The following ANKRD36C variants were observed in gnomAD, a reference collection of about 807,000 sequenced individuals.
ANKRD36C encodes the protein ankyrin repeat domain-containing protein 36C.
Under a neutral mutation model 276.4 loss-of-function variants are expected in ANKRD36C, and 61 were observed. The ratio of observed to expected loss-of-function variants is 0.22; its 90% CI spans 0.18 to 0.27. ANKRD36C has a LOEUF of 0.27. Ranked by LOEUF, ANKRD36C falls within the 10% of genes least tolerant of loss-of-function variation. The pLI, the probability that ANKRD36C is intolerant of heterozygous loss-of-function variation, is 1.00. For synonymous variants in ANKRD36C, 483 were observed against 680.1 expected, an observed-to-expected ratio of 0.71 and a Z score of 4.51; for missense variants, 1,447 against 2,032.3, an observed-to-expected ratio of 0.71 and a Z score of 5.54.
chr2:95,919,674 A>G (rs182562885), intron 34 of ANKRD36C, 59 bp downstream of exon 36: 10,004 of 276,538 alleles, frequency 0.036, 1,828 homozygotes, highest in Middle Eastern at 0.05. Context: ...TTTATTCGGG[A>G]TAGAGAAGTT....
chr2:95,935,200 T>G (rs1164203622), intron 24 of ANKRD36C, among the ~76,000 whole-genome samples: 1 of 152,272 alleles, frequency 6.6e-6, no homozygotes, highest in African/African-American at 2.4e-5. Context: ...CTAACATGCA[T>G]ACAAATTCCA....
chr2:95,963,990 T>TAA (rs1678527792), intron 6 of ANKRD36C, among the ~76,000 whole-genome samples: 10 of 19,354 alleles, frequency 5.2e-4, no homozygotes, highest in Non-Finnish European at 6.4e-4. Flanking sequence ...TATATATATA[T>TAA]ATATATATAT....
At chr2:95,897,739 AT>A (rs1299705923) in intron 44 of ANKRD36C, among the ~76,000 whole-genome samples, 1 of 148,534 alleles carries the variant, frequency 6.7e-6, no homozygotes, top group Non-Finnish European at 1.5e-5. Flanking sequence ...CAACGTGGAT[AT>A]GCCGAGTGAT....
rs140233043 is a variant in ANKRD36C at position 95,893,176 on chromosome 2, G to C, written c.2756-1316C>G. 3.3e-5 allele frequency among the ~76,000 whole-genome samples: 5 copies of C among 151,484 alleles called. 1 individual carries two copies. The highest frequency in any genetic ancestry group is 4.2e-4 in the South Asian group (2 of 4,816). ...ACAAGTTTTCTGTCTGTTTTTAGCA[G>C]TACGATGTGACGTCTGTAAAATCGA... On this transcript the variant is annotated intron_variant, in intron 44 of 66. Coordinates refer to ENST00000456556, the Ensembl canonical transcript of ANKRD36C.
chr2:95,873,778 C>G (rs1675872361), intron 59 of ANKRD36C, among the ~76,000 whole-genome samples: 1 of 152,148 alleles, frequency 6.6e-6, no homozygotes, highest in African/African-American at 2.4e-5. Context: ...ACTAGAAAAC[C>G]CCATTGTCTC....
intron 42 of ANKRD36C, among the ~76,000 whole-genome samples, chr2:95,911,182 T>C (rs1173932759): frequency 3.3e-5 from 5 of 151,494 alleles, no homozygotes; most frequent in Non-Finnish European, 7.4e-5. Context: ...TTAAGTTTCT[T>C]TCATCCACTA....
rs771781036 is a variant in ANKRD36C, at chr2:95,980,657, T to C, written c.722A>G (p.Lys241Arg). The change falls in exon 5 of 67, where the codon AAG becomes AGG. Residue 241 changes from lysine (K) to arginine (R), a missense_variant. Around this residue, in one of 13 missense-constraint regions of ANKRD36C, gnomAD observed 158 missense variants for 218.0 expected, o/e 0.72. Transcript: ENST00000456556. ...TTATGTAAAGACTTACACTCTGTTCTTAGCCTCGCTGGCATAATCTTCTGC... is the reference window on the plus strand; with the variant it reads ...TTATGTAAAGACTTACACTCTGTTCCTAGCCTCGCTGGCATAATCTTCTGC... 12 of 1,612,246 alleles carry C rather than the reference T, an allele frequency of 7.4e-6. No individual in the cohort carries two copies. In the African/African-American group the frequency reaches 1.5e-4, roughly 20 times the overall value.
intron 6 of ANKRD36C, among the ~76,000 whole-genome samples, chr2:95,973,743 G>A (rs1418720011): frequency 6.6e-6 from 1 of 152,066 alleles, no homozygotes; most frequent in East Asian, 1.9e-4. Context: ...CTCATTTTGG[G>A]GAATAAAGGA....
In ANKRD36C at chr2:95,852,924, A is replaced by G. The variant is rs1441372178; in HGVS notation, c.5149-728T>C. On this transcript the variant is annotated intron_variant, in intron 64 of 66. Transcript: ENST00000456556. ...ATTAGGAGAGAAGTAATTTAAAAGC[A>G]TCATCTTAAACTGCAAAGGTGTCCA... The G allele has an allele frequency of 4.4e-4, 67 of 152,488 alleles. 1 individual carries two copies. The highest frequency in any genetic ancestry group is 1.5e-3 in the African/African-American group (64 of 41,574). 9.4% of individuals were successfully genotyped at this position (152,488 alleles called of 1,614,324 possible). A position where few individuals can be genotyped will look rare whatever the true frequency, so the allele number is the denominator to read the frequency against.
At chr2:95,980,033 G>A (rs1678885198) in intron 5 of ANKRD36C, among the ~76,000 whole-genome samples, 1 of 152,042 alleles carries the variant, frequency 6.6e-6, no homozygotes, top group Admixed American at 6.6e-5. Context: ...TGAAGATTGA[G>A]GGATGTCAAA....
intron 56 of ANKRD36C, among the ~76,000 whole-genome samples, chr2:95,881,742 T>C (rs1389801210): frequency 6.6e-6 from 1 of 150,704 alleles, no homozygotes; most frequent in Admixed American, 6.6e-5. Flanking sequence ...TCAAAATGCA[T>C]CTGAAGTGAG....
chr2:95,971,845 C>T (rs558005197), intron 6 of ANKRD36C, among the ~76,000 whole-genome samples: 4 of 152,058 alleles, frequency 2.6e-5, no homozygotes, highest in Admixed American at 6.5e-5. Context: ...AAAGGTTAAT[C>T]GAATAAGAAC....
intron 32 of ANKRD36C, 109 bp from the exon 33 acceptor site, chr2:95,921,919 T>C (rs1677283263): frequency 8.4e-7 from 1 of 1,190,304 alleles, no homozygotes; most frequent in East Asian, 2.6e-5. Context: ...AGTGTAGGCT[T>C]TGATGTTTTC....
chr2:95,861,824 CA>C (rs1675592063), intron 60 of ANKRD36C, among the ~76,000 whole-genome samples: 2 of 151,978 alleles, frequency 1.3e-5, no homozygotes, highest in Non-Finnish European at 2.9e-5. Flanking sequence ...AAGCAAGACC[CA>C]ACTACAGGCT....
chr2:95,917,404 T>C (rs1176323316), intron 36 of ANKRD36C, among the ~76,000 whole-genome samples: 2 of 151,594 alleles, frequency 1.3e-5, no homozygotes, highest in Non-Finnish European at 3.0e-5. Flanking sequence ...TGGAAAATAA[T>C]TGCTACATCA....
chr2:95,956,830 A>G lies in ANKRD36C; in HGVS notation c.1106-14T>C, dbSNP rs759340246. 7.7e-7 allele frequency: 1 copy of G among 1,303,572 alleles called. No individual in the cohort carries two copies. The highest frequency in any genetic ancestry group is 1.1e-6 in the Non-Finnish European group (1 of 943,366). 80.8% of individuals were successfully genotyped at this position (1,303,572 alleles called of 1,614,324 possible). Reference sequence around the variant, plus strand: ...CAGCAGGAAGCACTATCAAACAAAAAGTAAAATGCATTTTAAATCAACAAT... The same window carrying G: ...CAGCAGGAAGCACTATCAAACAAAAGGTAAAATGCATTTTAAATCAACAAT... On this transcript the variant is annotated splice_polypyrimidine_tract_variant and intron_variant, in intron 12 of 66. Transcript: ENST00000456556.
At chr2:95,884,645 T>TGAGTGATGA (rs1676161328) in intron 52 of ANKRD36C, among the ~76,000 whole-genome samples, 1 of 152,084 alleles carries the variant, frequency 6.6e-6, no homozygotes, top group Admixed American at 6.6e-5. Context: ...GTGGATATGC[T>TGAGTGATGA]GAGTGATGAG....
chr2:95,917,118 T>A (rs1173830642), intron 36 of ANKRD36C, among the ~76,000 whole-genome samples: 1 of 151,632 alleles, frequency 6.6e-6, no homozygotes, highest in Admixed American at 6.6e-5. Flanking sequence ...TGTATTCATA[T>A]TCAAGTTTAT....
intron 30 of ANKRD36C, among the ~76,000 whole-genome samples, chr2:95,924,971 T>C (rs1441987916): frequency 2.6e-5 from 4 of 151,576 alleles, no homozygotes; most frequent in African/African-American, 9.7e-5. Flanking sequence ...ATTATAACAA[T>C]TTCCTCCCTC....
Sources: allele counts gnomAD v4.1 joint callset (sites outside exome capture counted in the v4.1 genomes callset), GRCh38; gene constraint gnomAD v4.1.1; regional missense constraint gnomAD v4.1.1; transcripts MANE v1.5; gene names NCBI Gene and HGNC (gene_info 2026-07-23, HGNC 2026-07-21).